The following PRPF3 variants were observed in gnomAD, a reference collection of about 807,000 sequenced individuals.
The protein encoded by PRPF3 is pre-mRNA processing factor 3, also known as U4/U6 small nuclear ribonucleoprotein Prp3.
In PRPF3, 3 loss-of-function variants were observed where a neutral mutation model predicts 89.2. That is an observed-to-expected ratio of 0.03 (90% CI 0.02 to 0.09). The LOEUF is 0.09. Ranked by LOEUF, PRPF3 falls within the 10% of genes least tolerant of loss-of-function variation. The probability of loss-of-function intolerance (pLI) is 1.00; values close to 1 mark genes in which losing one functional copy is unlikely to be tolerated. For synonymous variants in PRPF3, 270 were observed against 289.1 expected, an observed-to-expected ratio of 0.93 and a Z score of 0.67; for missense variants, 463 against 828.8, an observed-to-expected ratio of 0.56 and a Z score of 5.42.
chr1:150,328,272 T>A (rs1244640722), intron 3 of PRPF3, 48 bp from the exon 4 acceptor site: 2 of 1,608,242 alleles, frequency 1.2e-6, no homozygotes, highest in Non-Finnish European at 1.7e-6. Context: ...TCTTCCCTTC[T>A]CCCCACGGGG....
At chr1:150,351,507 CTT>C (rs369929157) in intron 15 of PRPF3, among the ~76,000 whole-genome samples, 1 of 146,252 alleles carries the variant, frequency 6.8e-6, no homozygotes, top group Non-Finnish European at 1.5e-5. Context: ...TTTTAATCAA[CTT>C]TTTTTTTTAG....
At chr1:150,324,792 C>A (rs2101942918) in intron 1 of PRPF3, 103 bp from the exon 2 acceptor site, 1 of 842,110 alleles carries the variant, frequency 1.2e-6, no homozygotes, top group Non-Finnish European at 1.8e-6. Flanking sequence ...GGCAGTCCAT[C>A]CACCTTGGCC....
Position 150,352,992 on chromosome 1 carries a change from C to G in PRPF3, c.*13C>G, listed in dbSNP as rs1659097721. On this transcript the variant is annotated 3_prime_UTR_variant, in exon 16 of 16. Transcript: ENST00000324862. ...GTCCACTGATTGAGACTACTGCAAG[C>G]CCTTGCCTCTCCTCCCTTGCCTTTG... 1 of 1,613,812 alleles carries G rather than the reference C, an allele frequency of 6.2e-7. No individual in the cohort carries two copies. Among genetic ancestry groups the G allele is most frequent in the Non-Finnish European group, 8.5e-7 (1 of 1,179,878 alleles).
At chr1:150,342,873 T>C (rs1657910237) in intron 9 of PRPF3, among the ~76,000 whole-genome samples, 1 of 152,226 alleles carries the variant, frequency 6.6e-6, no homozygotes, top group African/African-American at 2.4e-5. Flanking sequence ...CTCACTTGGT[T>C]GTCCAGGCTG....
intron 9 of PRPF3, among the ~76,000 whole-genome samples, chr1:150,342,094 A>G (rs1265714548): frequency 6.6e-6 from 1 of 151,950 alleles, no homozygotes; most frequent in African/African-American, 2.4e-5. Flanking sequence ...CTTAAGAAAG[A>G]TAAGAGGCCA....
intron 9 of PRPF3, 92 bp downstream of exon 9, chr1:150,340,569 C>A (rs200175284): frequency 2.1e-6 from 2 of 965,848 alleles, no homozygotes; most frequent in Non-Finnish European, 1.7e-6. Context: ...CTATGCTGTT[C>A]AATACAATAG....
rs142099755 is a variant in PRPF3 at position 150,323,686 on chromosome 1, T to G, written c.-48-1209T>G. 6.5e-3 allele frequency among the ~76,000 whole-genome samples: 991 copies of G among 152,042 alleles called. 5 individuals carry two copies. Among genetic ancestry groups the G allele is most frequent in the South Asian group, 0.012 (58 of 4,812 alleles). On this transcript the variant is annotated intron_variant, in intron 1 of 15. Coordinates refer to ENST00000324862, the MANE Select transcript of PRPF3 (RefSeq NM_004698.4). Reference sequence around the variant, plus strand: ...TGAGCTGAAGGATCATCAAGTCAGCTGATGGAGACCCTGTAGATTGAACAT... The same window carrying G: ...TGAGCTGAAGGATCATCAAGTCAGCGGATGGAGACCCTGTAGATTGAACAT...
intron 7 of PRPF3, among the ~76,000 whole-genome samples, chr1:150,336,767 A>G (rs1657048670): frequency 6.6e-6 from 1 of 151,246 alleles, no homozygotes; most frequent in African/African-American, 2.4e-5. Flanking sequence ...AAAAATATAT[A>G]TATATATTTA....
Position 150,343,559 on chromosome 1 carries a change from A to G in PRPF3, c.1426+107A>G, listed in dbSNP as rs1553872049. The stretch of plus-strand genomic sequence containing the variant: ...GTTTGAGTGATTTCTGTTTCTAAGA[A>G]TTATTCTTGGGGTCCTTTTTCTCCA... On this transcript the variant is annotated intron_variant, in intron 10 of 15. Coordinates refer to ENST00000324862, the MANE Select transcript of PRPF3 (RefSeq NM_004698.4). 5 of 1,449,316 alleles carry G rather than the reference A, an allele frequency of 3.4e-6. No homozygotes were observed. The East Asian group carries it at 1.2e-4, about 35-fold the overall frequency. The allele number at this position is 1,449,316 out of a possible 1,614,324, so 89.8% of individuals were successfully genotyped here. A position where few individuals can be genotyped will look rare whatever the true frequency, so the allele number is the denominator to read the frequency against.
intron 14 of PRPF3, among the ~76,000 whole-genome samples, chr1:150,347,354 C>CA (rs1658395282): frequency 6.6e-6 from 1 of 151,932 alleles, no homozygotes; most frequent in African/African-American, 2.4e-5. Flanking sequence ...TGTACATGTA[C>CA]ATACTCACAC....
chr1:150,323,106 G>A (rs1037096749), intron 1 of PRPF3, among the ~76,000 whole-genome samples: 8 of 146,162 alleles, frequency 5.5e-5, no homozygotes, highest in African/African-American at 1.8e-4. Flanking sequence ...AACTCCTGAC[G>A]TCAGATAATC....
intron 5 of PRPF3, 62 bp from the exon 6 acceptor site, chr1:150,332,917 G>C (rs1656575029): frequency 6.6e-7 from 1 of 1,521,292 alleles, no homozygotes; most frequent in African/African-American, 1.4e-5. Flanking sequence ...ATATCTGTGT[G>C]TATGTATGTG....
intron 9 of PRPF3, 109 bp from the exon 10 acceptor site, chr1:150,343,200 C>A: frequency 1.6e-6 from 1 of 627,946 alleles, no homozygotes; most frequent in Non-Finnish European, 2.2e-6. Context: ...TGAGATCGTG[C>A]CATTGCACTC....
chr1:150,335,873 A>G (rs1394022564), intron 7 of PRPF3, among the ~76,000 whole-genome samples: 2 of 151,262 alleles, frequency 1.3e-5, no homozygotes, highest in African/African-American at 4.9e-5. Flanking sequence ...GGTTCAAGCA[A>G]TTCTCCTGCC....
chr1:150,340,599 CTTTT>C, intron 9 of PRPF3, 122 bp downstream of exon 9: 1 of 784,022 alleles, frequency 1.3e-6, no homozygotes, highest in South Asian at 1.5e-5. Flanking sequence ...ATGTGTAATT[CTTTT>C]TTTTAATTCA....
intron 15 of PRPF3, among the ~76,000 whole-genome samples, chr1:150,351,193 A>C (rs1293982268): frequency 2.0e-5 from 3 of 152,082 alleles, no homozygotes; most frequent in African/African-American, 7.2e-5. Context: ...TGAATCTGGG[A>C]AGCGGAGGTT....
intron 7 of PRPF3, among the ~76,000 whole-genome samples, chr1:150,337,670 C>T (rs1560103341): frequency 1.3e-5 from 2 of 149,892 alleles, no homozygotes; most frequent in African/African-American, 4.9e-5. Context: ...CCCAGCTACT[C>T]GGGAGGCTGA....
At chr1:150,341,105 CA>C (rs71086503) in intron 9 of PRPF3, among the ~76,000 whole-genome samples, 6,749 of 86,664 alleles carry the variant, frequency 0.078, 511 homozygotes, top group African/African-American at 0.27. Flanking sequence ...GACCTTGTCT[CA>C]AAAAAAAAAA....
At chr1:150,334,094 C>T (rs1478927542) in intron 6 of PRPF3, among the ~76,000 whole-genome samples, 2 of 152,096 alleles carry the variant, frequency 1.3e-5, no homozygotes, top group African/African-American at 2.4e-5. Flanking sequence ...TGCTTGAGCT[C>T]AGGAGTTCAA....
Sources: allele counts gnomAD v4.1 joint callset (sites outside exome capture counted in the v4.1 genomes callset), GRCh38; gene constraint gnomAD v4.1.1; transcripts MANE v1.5; gene names NCBI Gene and HGNC (gene_info 2026-07-23, HGNC 2026-07-21).